GRM7: variants seen among roughly 807,000 people sequenced by gnomAD.
GRM7 encodes metabotropic glutamate receptor 7.
In GRM7, 35 loss-of-function variants were observed where a neutral mutation model predicts 84.5. The ratio of observed to expected loss-of-function variants is 0.41; its 90% CI spans 0.32 to 0.55. The LOEUF is 0.55. Ranked by LOEUF, GRM7 falls within the 20% of genes least tolerant of loss-of-function variation. The pLI, the probability that GRM7 is intolerant of heterozygous loss-of-function variation, is 0.19. For missense variants in GRM7, 1,003 were observed against 1,194.6 expected (o/e 0.84, Z 2.36); for synonymous variants, 487 against 455.1 (o/e 1.07, Z -0.89).
chr3:6,874,696 C>A (rs1251404086), intron 1 of GRM7, among the ~76,000 whole-genome samples: 2 of 152,154 alleles, frequency 1.3e-5, no homozygotes, highest in Non-Finnish European at 2.9e-5. Context: ...TATACTATAT[C>A]CTGGTAAGAA....
intron 2 of GRM7, among the ~76,000 whole-genome samples, chr3:7,249,577 A>G (rs537105698): frequency 6.6e-6 from 1 of 152,350 alleles, no homozygotes; most frequent in South Asian, 2.1e-4. Context: ...CTGATAAGGG[A>G]AACAAAATTG....
intron 2 of GRM7, among the ~76,000 whole-genome samples, chr3:7,176,065 A>T (rs1053251684): frequency 6.6e-6 from 1 of 151,948 alleles, no homozygotes; most frequent in African/African-American, 2.4e-5. Context: ...CCAGTTCAAA[A>T]TAATACTGTG....
At chr3:7,283,614 T>C (rs534965474) in intron 2 of GRM7, among the ~76,000 whole-genome samples, 10 of 152,092 alleles carry the variant, frequency 6.6e-5, no homozygotes, top group Admixed American at 1.3e-4. Context: ...GGGGTTTTGA[T>C]TGGATAAAGA....
At chr3:7,331,731 G>A (rs186094923) in intron 4 of GRM7, among the ~76,000 whole-genome samples, 3 of 152,252 alleles carry the variant, frequency 2.0e-5, no homozygotes, top group Non-Finnish European at 4.4e-5. Context: ...AATACTTGTT[G>A]TATGGCATAA....
chr3:7,347,537 G>A (rs1692945490), intron 4 of GRM7, among the ~76,000 whole-genome samples: 1 of 152,084 alleles, frequency 6.6e-6, no homozygotes, highest in Non-Finnish European at 1.5e-5. Flanking sequence ...GCAGATTGTC[G>A]GGGTTTGAGT....
chr3:7,041,038 C>T (rs1362411583), intron 1 of GRM7, among the ~76,000 whole-genome samples: 1 of 150,462 alleles, frequency 6.6e-6, no homozygotes, highest in Non-Finnish European at 1.5e-5. Flanking sequence ...CATGATCGTG[C>T]CACTGCACTC....
At chr3:7,723,019 A>G (rs762456632) in intron 9 of GRM7, among the ~76,000 whole-genome samples, 1 of 152,168 alleles carries the variant, frequency 6.6e-6, no homozygotes, top group Non-Finnish European at 1.5e-5. Context: ...TCAGAAAAGT[A>G]GAAAGAACAG....
chr3:6,947,047 C>T (rs191276735), intron 1 of GRM7, among the ~76,000 whole-genome samples: 11 of 152,178 alleles, frequency 7.2e-5, no homozygotes, highest in African/African-American at 2.6e-4. Flanking sequence ...CCTTTATTTC[C>T]TTATCCTGCC....
At chr3:7,041,700 T>C (rs6764486) in intron 1 of GRM7, among the ~76,000 whole-genome samples, 41,129 of 152,050 alleles carry the variant, frequency 0.27, 5,666 homozygotes, top group East Asian at 0.32. Flanking sequence ...CCTCCCTGTT[T>C]CCTGGAATTT....
intron 4 of GRM7, chr3:7,403,151 GCTTT>G (rs1057290732): frequency 6.7e-6 from 3 of 444,926 alleles, no homozygotes; most frequent in African/African-American, 6.0e-5. Flanking sequence ...AGTTTGTCTG[GCTTT>G]CTTTCTGTCA....
chr3:7,693,559 A>T, intron 9 of GRM7: 1 of 920,878 alleles, frequency 1.1e-6, no homozygotes, highest in South Asian at 1.4e-5. Context: ...TCATGTTTGC[A>T]AATTTCATTT....
At chr3:7,373,374 T>C (rs1694217249) in intron 4 of GRM7, among the ~76,000 whole-genome samples, 1 of 152,218 alleles carries the variant, frequency 6.6e-6, no homozygotes, top group South Asian at 2.1e-4. Flanking sequence ...TTTTATTTTA[T>C]TTCTCTACAT....
rs1390058794 is a variant in GRM7, at chr3:7,578,881, C to T, written c.1975C>T (p.Arg659Ter). 1.9e-6 allele frequency: 3 copies of T among 1,613,966 alleles called. No homozygotes were observed. The highest frequency in any genetic ancestry group is 1.7e-5 in the Admixed American group (1 of 59,988). ...AGATGTGGCAGTGTGTTCTTTCCGG[C>T]GAGTTTTCTTGGGCTTGGGTATGTG... is the stretch of plus-strand genomic sequence containing the variant. ...KPDVAVCSFR[R>*]VFLGLGMCIS... Residue 659 changes from arginine to a stop codon, truncating the protein, a stop_gained, in exon 8 of 10, where the codon CGA becomes TGA. Transcript: ENST00000357716. LOFTEE classifies it high-confidence loss of function.
At position 7,086,617 on chromosome 3, in the gene GRM7, C is replaced by G. The variant is rs903342670; in HGVS notation, c.520-59835C>G. On this transcript the variant is annotated intron_variant, in intron 1 of 9. Coordinates refer to ENST00000357716, the MANE Select transcript of GRM7 (RefSeq NM_000844.4). ...ATGTTTGCCAGCCTCTAGAGCTCCA[C>G]ATCAACGTATCCTGCTCAGTGCTTT... Among the ~76,000 whole-genome samples the G allele has an allele frequency of 1.1e-4, 16 of 152,318 alleles. 2 individuals are homozygous for G. The highest frequency in any genetic ancestry group is 5.2e-4 in the Admixed American group (8 of 15,300).
chr3:7,474,205 A>G (rs1233598074), intron 7 of GRM7, among the ~76,000 whole-genome samples: 1 of 152,200 alleles, frequency 6.6e-6, no homozygotes, highest in African/African-American at 2.4e-5. Context: ...TTGTTGCTTA[A>G]GCAAGACAAT....
intron 7 of GRM7, among the ~76,000 whole-genome samples, chr3:7,530,617 C>A (rs969593721): frequency 6.6e-6 from 1 of 152,132 alleles, no homozygotes; most frequent in South Asian, 2.1e-4. Flanking sequence ...TGTTTCCTGA[C>A]TTTTTAATGA....
At chr3:7,435,917 T>C (rs1697037650) in intron 5 of GRM7, among the ~76,000 whole-genome samples, 1 of 145,666 alleles carries the variant, frequency 6.9e-6, no homozygotes, top group South Asian at 2.2e-4. Flanking sequence ...TTAGCCAGGA[T>C]GGTCTCCATC....
At chr3:7,563,797 G>T (rs1389747512) in intron 7 of GRM7, among the ~76,000 whole-genome samples, 2 of 152,146 alleles carry the variant, frequency 1.3e-5, no homozygotes, top group African/African-American at 2.4e-5. Context: ...AATCCAGGAT[G>T]CAGTAAACTC....
intron 1 of GRM7, among the ~76,000 whole-genome samples, chr3:6,986,683 G>A (rs6783863): frequency 6.6e-6 from 1 of 151,892 alleles, no homozygotes; most frequent in Non-Finnish European, 1.5e-5. Flanking sequence ...AGCTAACTTC[G>A]GCCTGATCAT....
Sources: allele counts gnomAD v4.1 joint callset (sites outside exome capture counted in the v4.1 genomes callset), GRCh38; gene constraint gnomAD v4.1.1; transcripts MANE v1.5; gene names NCBI Gene and HGNC (gene_info 2026-07-23, HGNC 2026-07-21).